The following MAP4K5 variants were observed in gnomAD, a reference collection of about 807,000 sequenced individuals.
MAP4K5 encodes mitogen-activated protein kinase kinase kinase kinase 5.
In MAP4K5, 82 loss-of-function variants were observed where a neutral mutation model predicts 135.6. The ratio of observed to expected loss-of-function variants is 0.60; its 90% CI spans 0.51 to 0.73. MAP4K5 has a LOEUF of 0.73. Among genes scored for constraint, MAP4K5 ranks in the 30% least tolerant of loss-of-function variants. The pLI, the probability that MAP4K5 is intolerant of heterozygous loss-of-function variation, is 0.00. For synonymous variants in MAP4K5, 347 were observed against 335.0 expected, an observed-to-expected ratio of 1.04 and a Z score of -0.39; for missense variants, 907 against 1,010.9, an observed-to-expected ratio of 0.90 and a Z score of 1.39.
intron 4 of MAP4K5, 133 bp downstream of exon 4, chr14:50,485,971 A>C (rs2037354134): frequency 1.7e-6 from 1 of 576,074 alleles, no homozygotes; most frequent in African/African-American, 2.0e-5. Flanking sequence ...AGAAATAGGA[A>C]AACCTTAAAA....
At chr14:50,480,178 T>G (rs1223477745) in intron 6 of MAP4K5, among the ~76,000 whole-genome samples, 1 of 152,092 alleles carries the variant, frequency 6.6e-6, no homozygotes, top group East Asian at 1.9e-4. Flanking sequence ...TATTTTAATT[T>G]TTGTGGGTAC....
chr14:50,474,134 G>T (rs1386086058), intron 9 of MAP4K5, among the ~76,000 whole-genome samples: 2 of 152,054 alleles, frequency 1.3e-5, no homozygotes, highest in Non-Finnish European at 2.9e-5. Flanking sequence ...TAAGCACAGT[G>T]GCTCAAGTCT....
intron 1 of MAP4K5, among the ~76,000 whole-genome samples, chr14:50,560,781 G>T (rs1210202389): frequency 6.6e-6 from 1 of 152,134 alleles, no homozygotes; most frequent in Non-Finnish European, 1.5e-5. Context: ...GGCTCCCGGC[G>T]GCGGGCGGCG....
intron 3 of MAP4K5, among the ~76,000 whole-genome samples, chr14:50,497,269 T>C (rs2037614921): frequency 1.3e-5 from 2 of 152,234 alleles, no homozygotes; most frequent in South Asian, 4.1e-4. Context: ...AAGACATTAG[T>C]AAACAACACT....
At chr14:50,433,835 C>G (rs1372428634) in intron 28 of MAP4K5, among the ~76,000 whole-genome samples, 1 of 152,192 alleles carries the variant, frequency 6.6e-6, no homozygotes, top group Non-Finnish European at 1.5e-5. Context: ...TCACCCACTT[C>G]ACATATTATG....
At chr14:50,516,331 G>A (rs569331282) in intron 2 of MAP4K5, among the ~76,000 whole-genome samples, 9 of 152,312 alleles carry the variant, frequency 5.9e-5, no homozygotes, top group African/African-American at 2.2e-4. Context: ...GGATACAGAT[G>A]GGGGCTCAGT....
intron 30 of MAP4K5, among the ~76,000 whole-genome samples, chr14:50,428,369 C>A (rs1218864382): frequency 6.6e-6 from 1 of 152,116 alleles, no homozygotes; most frequent in Non-Finnish European, 1.5e-5. Context: ...GATTCTCCTG[C>A]CTCAGCCTCC....
rs560341873 is a variant in MAP4K5, at chr14:50,519,881, G to C, written c.108+12061C>G. The stretch of plus-strand genomic sequence containing the variant: ...CTGGTAAAGGACCCAAACATCTCTA[G>C]CATGTATTACAATGAAGAACCAAAG... On this transcript the variant is annotated intron_variant, in intron 2 of 32. Coordinates refer to ENST00000682126, the MANE Select transcript of MAP4K5 (RefSeq NM_006575.6). Among the ~76,000 whole-genome samples, 238 of 152,200 alleles carry C rather than the reference G, an allele frequency of 1.6e-3. 2 individuals are homozygous for C. In the Middle Eastern group the frequency reaches 0.027, roughly 17 times the overall value.
At chr14:50,523,766 G>A (rs753358051) in intron 2 of MAP4K5, among the ~76,000 whole-genome samples, 4 of 152,008 alleles carry the variant, frequency 2.6e-5, no homozygotes, top group Non-Finnish European at 4.4e-5. Context: ...ATCTTTGTCC[G>A]CTTTGTTCAC....
intron 1 of MAP4K5, among the ~76,000 whole-genome samples, chr14:50,558,316 G>A (rs1010996533): frequency 1.2e-4 from 19 of 152,292 alleles, no homozygotes; most frequent in African/African-American, 4.1e-4. Context: ...CTGAGATCAC[G>A]CCACTGCACT....
chr14:50,539,959 C>T (rs764251454), intron 2 of MAP4K5, among the ~76,000 whole-genome samples: 1 of 152,090 alleles, frequency 6.6e-6, no homozygotes, highest in Non-Finnish European at 1.5e-5. Context: ...CTTAGTCAAA[C>T]TCTATTCATA....
chr14:50,464,524 A>G (rs148364047), intron 11 of MAP4K5, among the ~76,000 whole-genome samples: 1 of 152,318 alleles, frequency 6.6e-6, no homozygotes, highest in African/African-American at 2.4e-5. Context: ...GGGTAATATA[A>G]GAGACTATTT....
chr14:50,495,364 T>C (rs190264571), intron 3 of MAP4K5, among the ~76,000 whole-genome samples: 44 of 152,112 alleles, frequency 2.9e-4, no homozygotes, highest in African/African-American at 1.0e-3. Flanking sequence ...AAAACCACAA[T>C]GAGATATCAC....
At chr14:50,466,079 AAAG>A (rs1480690789) in intron 11 of MAP4K5, among the ~76,000 whole-genome samples, 6 of 152,122 alleles carry the variant, frequency 3.9e-5, no homozygotes, top group African/African-American at 4.8e-5. Flanking sequence ...TCTCCACAAA[AAAG>A]AAAGAAACAC....
chr14:50,475,424 G>GA lies in MAP4K5; in HGVS notation c.470-276dup, dbSNP rs989027812. On this transcript the variant is annotated intron_variant, in intron 8 of 32. Transcript: ENST00000682126. ...CAATGAAGTTAATTTGGGAAAAAGA[G>GA]AAAAAAAAAAGCACAAAAAATAAAA... Among the ~76,000 whole-genome samples the GA allele has an allele frequency of 2.6e-3, 370 of 143,578 alleles. 1 individual carries two copies. The highest frequency in any genetic ancestry group is 6.1e-3 in the African/African-American group (237 of 39,106). The allele number at this position is 143,578 out of a possible 152,430, so 94.2% of individuals were successfully genotyped here.
chr14:50,423,064 TA>T, intron 32 of MAP4K5, 56 bp downstream of exon 32: 1 of 778,056 alleles, frequency 1.3e-6, no homozygotes, highest in Non-Finnish European at 2.1e-6. Context: ...ACAGTATAAT[TA>T]AGAGTATGAT....
At chr14:50,530,715 A>G (rs7145454) in intron 2 of MAP4K5, among the ~76,000 whole-genome samples, 8,368 of 152,258 alleles carry the variant, frequency 0.055, 714 homozygotes, top group African/African-American at 0.19. Flanking sequence ...CTCACAATTC[A>G]TCACCTCAGT....
intron 3 of MAP4K5, among the ~76,000 whole-genome samples, chr14:50,502,408 C>T (rs188396597): frequency 2.6e-5 from 4 of 151,970 alleles, no homozygotes; most frequent in African/African-American, 7.2e-5. Flanking sequence ...AAATCAATGG[C>T]GAAGTAAATA....
intron 20 of MAP4K5, among the ~76,000 whole-genome samples, chr14:50,443,337 A>G (rs1358104992): frequency 3.9e-5 from 2 of 51,820 alleles, no homozygotes; most frequent in Admixed American, 2.8e-4. Context: ...GATAAGTTCC[A>G]CTGACTGGCC....
Sources: allele counts gnomAD v4.1 joint callset (sites outside exome capture counted in the v4.1 genomes callset), GRCh38; gene constraint gnomAD v4.1.1; transcripts MANE v1.5; gene names NCBI Gene and HGNC (gene_info 2026-07-23, HGNC 2026-07-21).